Variants in FAM78B observed in about 807,000 individuals in gnomAD.
FAM78B encodes the protein protein FAM78B.
Under a neutral mutation model 20.0 loss-of-function variants are expected in FAM78B, and 10 were observed. The ratio of observed to expected loss-of-function variants is 0.50; its 90% CI spans 0.31 to 0.85. The LOEUF (loss-of-function observed/expected upper bound fraction) is 0.85, where lower values mean the gene tolerates loss of function less well. Among genes scored for constraint, FAM78B ranks in the 40% least tolerant of loss-of-function variants. The pLI is 0.05. For synonymous variants in FAM78B, 135 were observed against 132.8 expected (o/e 1.02, Z -0.12); for missense variants, 283 against 345.0 (o/e 0.82, Z 1.42).
chr1:166,157,874 G>A (rs537927577), intron 1 of FAM78B, among the ~76,000 whole-genome samples: 7 of 152,222 alleles, frequency 4.6e-5, no homozygotes, highest in African/African-American at 7.2e-5. Context: ...TGAGGATGTC[G>A]TCCCCCTGCT....
At chr1:166,165,436 G>A (rs1001489739) in intron 1 of FAM78B, among the ~76,000 whole-genome samples, 9 of 152,124 alleles carry the variant, frequency 5.9e-5, no homozygotes, top group Admixed American at 1.3e-4. Flanking sequence ...ACGCCTCCGG[G>A]CTCCCTGGCC....
At chr1:166,091,570 G>T (rs1653075433) in intron 1 of FAM78B, among the ~76,000 whole-genome samples, 1 of 152,088 alleles carries the variant, frequency 6.6e-6, no homozygotes, top group African/African-American at 2.4e-5. Context: ...TTTGTAAATT[G>T]TCCAGTCTCA....
chr1:166,094,480 A>T (rs1039079137), intron 1 of FAM78B, among the ~76,000 whole-genome samples: 1 of 152,184 alleles, frequency 6.6e-6, no homozygotes, highest in African/African-American at 2.4e-5. Flanking sequence ...CCCAATCACT[A>T]TGGACCCAGA....
intron 1 of FAM78B, among the ~76,000 whole-genome samples, chr1:166,114,683 CT>C (rs2101762282): frequency 6.6e-6 from 1 of 152,318 alleles, no homozygotes; most frequent in East Asian, 1.9e-4. Context: ...TTACTCATTC[CT>C]CCCTGTGCTA....
chr1:166,110,688 G>T (rs977874674), intron 1 of FAM78B, among the ~76,000 whole-genome samples: 5 of 152,170 alleles, frequency 3.3e-5, no homozygotes, highest in African/African-American at 1.2e-4. Flanking sequence ...GGAGACCTGA[G>T]GAGTCTCTGC....
At chr1:166,114,091 C>T (rs957330023) in intron 1 of FAM78B, among the ~76,000 whole-genome samples, 1 of 152,210 alleles carries the variant, frequency 6.6e-6, no homozygotes, top group Non-Finnish European at 1.5e-5. Context: ...ATTATCCTTC[C>T]ACTGTTCAGC....
chr1:166,121,280 G>A (rs1233795843), intron 1 of FAM78B, among the ~76,000 whole-genome samples: 1 of 152,120 alleles, frequency 6.6e-6, no homozygotes, highest in African/African-American at 2.4e-5. Context: ...GTGTGTAGCT[G>A]TGGTGGGATA....
intron 1 of FAM78B, among the ~76,000 whole-genome samples, chr1:166,117,344 C>A (rs890668198): frequency 2.0e-5 from 3 of 152,248 alleles, no homozygotes; most frequent in African/African-American, 7.2e-5. Flanking sequence ...CCAAATAGCA[C>A]ACTTTTTCTC....
chr1:166,150,005 G>T (rs1291732665), intron 1 of FAM78B, among the ~76,000 whole-genome samples: 1 of 152,208 alleles, frequency 6.6e-6, no homozygotes, highest in African/African-American at 2.4e-5. Flanking sequence ...AGTGCAAAGT[G>T]AGCCTTGGGG....
intron 1 of FAM78B, among the ~76,000 whole-genome samples, chr1:166,085,403 C>T (rs547694761): frequency 6.6e-6 from 1 of 152,294 alleles, no homozygotes; most frequent in African/African-American, 2.4e-5. Flanking sequence ...GGGGTCAGAA[C>T]TCAAGATCTC....
intron 1 of FAM78B, among the ~76,000 whole-genome samples, chr1:166,111,465 A>C (rs1654055772): frequency 6.6e-6 from 1 of 152,240 alleles, no homozygotes; most frequent in Non-Finnish European, 1.5e-5. Flanking sequence ...CAGAGGCTGG[A>C]GCAGCTGTCT....
intron 1 of FAM78B, among the ~76,000 whole-genome samples, chr1:166,099,558 T>A (rs1653424718): frequency 6.6e-6 from 1 of 152,138 alleles, no homozygotes; most frequent in African/African-American, 2.4e-5. Context: ...CATATAAAGT[T>A]AAATTAAAGG....
chr1:166,153,557 G>T (rs565573364), intron 1 of FAM78B, among the ~76,000 whole-genome samples: 3 of 152,044 alleles, frequency 2.0e-5, no homozygotes, highest in Non-Finnish European at 4.4e-5. Flanking sequence ...AACAGTGAAG[G>T]GTCCACATAG....
chr1:166,077,875 TATATATATAATAA>T (rs1431075523), intron 1 of FAM78B, among the ~76,000 whole-genome samples: 3 of 3,614 alleles, frequency 8.3e-4, no homozygotes, highest in Admixed American at 5.2e-3. Context: ...TATATATAAT[TATATATATAATAA>T]ATATATATAA....
At chr1:166,109,848 A>ATATATGTG (rs1653947216) in intron 1 of FAM78B, among the ~76,000 whole-genome samples, 1 of 28,450 alleles carries the variant, frequency 3.5e-5, no homozygotes, top group Non-Finnish European at 8.1e-5. Flanking sequence ...ATGTATATAT[A>ATATATGTG]TATATATATA....
At chr1:166,063,173 C>T (rs190300406) in intron 2 of FAM78B, among the ~76,000 whole-genome samples, 36 of 152,314 alleles carry the variant, frequency 2.4e-4, no homozygotes, top group African/African-American at 7.9e-4. Context: ...GGGGAAAATG[C>T]GCAGCTCCCA....
At chr1:166,101,391 G>A (rs538114879) in intron 1 of FAM78B, among the ~76,000 whole-genome samples, 8 of 152,246 alleles carry the variant, frequency 5.3e-5, no homozygotes, top group Admixed American at 2.6e-4. Context: ...AAACTTCTCC[G>A]AGCTAAAGGA....
chr1:166,130,578 G>A (rs1654835778), intron 1 of FAM78B, among the ~76,000 whole-genome samples: 1 of 152,158 alleles, frequency 6.6e-6, no homozygotes, highest in Non-Finnish European at 1.5e-5. Flanking sequence ...TAGGTATGCT[G>A]CTAACATCCT....
intron 1 of FAM78B, among the ~76,000 whole-genome samples, chr1:166,103,622 C>G (rs999504759): frequency 6.6e-6 from 1 of 152,060 alleles, no homozygotes; most frequent in African/African-American, 2.4e-5. Flanking sequence ...ATAAATTCCT[C>G]GACACATACA....
Sources: gnomAD v4.1 joint callset for allele counts (sites outside exome capture counted in the v4.1 genomes callset) on GRCh38, gnomAD v4.1.1 for gene constraint, MANE v1.5 for transcripts, NCBI Gene and HGNC (gene_info 2026-07-23, HGNC 2026-07-21) for gene names.